Variants in TLE4 observed in about 807,000 individuals in gnomAD.
The protein encoded by TLE4 is TLE family member 4, transcriptional corepressor.
In TLE4, 8 loss-of-function variants were observed where a neutral mutation model predicts 92.8. The observed-to-expected ratio is 0.09, with a 90% CI of 0.05 to 0.16. TLE4 has a LOEUF of 0.16. Ranked by LOEUF, TLE4 falls within the 10% of genes least tolerant of loss-of-function variation. The probability of loss-of-function intolerance (pLI) is 1.00; values close to 1 mark genes in which losing one functional copy is unlikely to be tolerated. For missense variants in TLE4, 675 were observed against 997.6 expected (o/e 0.68, Z 4.36); for synonymous variants, 371 against 374.1 (o/e 0.99, Z 0.10).
intron 6 of TLE4, among the ~76,000 whole-genome samples, chr9:79,640,725 C>G (rs1175645521): frequency 6.6e-6 from 1 of 152,082 alleles, no homozygotes; most frequent in African/African-American, 2.4e-5. Flanking sequence ...AGTTATCATT[C>G]ATTATTTTCT....
At chr9:79,598,091 A>T (rs1564261435) in intron 4 of TLE4, among the ~76,000 whole-genome samples, 1 of 150,688 alleles carries the variant, frequency 6.6e-6, no homozygotes, top group Non-Finnish European at 1.5e-5. Context: ...AAAAAAAAAA[A>T]AAAAAAACTT....
At chr9:79,652,905 A>G in intron 7 of TLE4, 111 bp downstream of exon 7, 4 of 1,151,062 alleles carry the variant, frequency 3.5e-6, no homozygotes, top group Non-Finnish European at 5.2e-6. Context: ...GTGACTAAAC[A>G]AAGGATTTCC....
Position 79,641,948 on chromosome 9 carries a change from C to CT in TLE4, c.391-10632dup, listed in dbSNP as rs79662369. 1.1e-3 allele frequency among the ~76,000 whole-genome samples: 159 copies of CT among 142,138 alleles called. 1 individual carries two copies. The highest frequency in any genetic ancestry group is 7.0e-3 in the East Asian group (34 of 4,880). 93.2% of individuals were successfully genotyped at this position (142,138 alleles called of 152,430 possible). A position where few individuals can be genotyped will look rare whatever the true frequency, so the allele number is the denominator to read the frequency against. ...AAGTCTATTTAGTGGGCATAGTGGA[C>CT]TTTTTTTTTTTTTAATTAAAAAAGG... On this transcript the variant is annotated intron_variant, in intron 6 of 19. Coordinates refer to ENST00000376552, the MANE Select transcript of TLE4 (RefSeq NM_007005.6).
intron 8 of TLE4, among the ~76,000 whole-genome samples, chr9:79,695,014 G>A (rs575199733): frequency 1.5e-4 from 23 of 152,302 alleles, no homozygotes; most frequent in African/African-American, 5.5e-4. Context: ...AGACAGCTGA[G>A]GAGTGTGTGA....
chr9:79,697,820 T>C (rs1308610112), intron 8 of TLE4, among the ~76,000 whole-genome samples: 1 of 152,080 alleles, frequency 6.6e-6, no homozygotes, highest in Non-Finnish European at 1.5e-5. Flanking sequence ...CTACTACACA[T>C]GAAGAAAAAA....
chr9:79,721,672 G>A (rs2136261956), intron 16 of TLE4, 69 bp from the exon 17 acceptor site: 2 of 1,598,914 alleles, frequency 1.3e-6, no homozygotes, highest in South Asian at 2.3e-5. Flanking sequence ...GAATCATCAA[G>A]GAATTCTAAA....
At chr9:79,636,993 T>C (rs1446702882) in intron 6 of TLE4, among the ~76,000 whole-genome samples, 1 of 152,170 alleles carries the variant, frequency 6.6e-6, no homozygotes, top group Non-Finnish European at 1.5e-5. Context: ...AGGAAGCGCA[T>C]GGACTGGTAG....
At chr9:79,695,259 A>G (rs986014983) in intron 8 of TLE4, among the ~76,000 whole-genome samples, 31 of 152,060 alleles carry the variant, frequency 2.0e-4, no homozygotes, top group African/African-American at 6.0e-4. Flanking sequence ...TTTTCAACAT[A>G]GTTCTGAAAA....
intron 6 of TLE4, among the ~76,000 whole-genome samples, chr9:79,637,658 T>C (rs149524619): frequency 1.3e-5 from 2 of 152,208 alleles, no homozygotes. Context: ...TGGATACTCT[T>C]GACTCATACG....
At chr9:79,651,031 A>ATTTCTC (rs2058870446) in intron 6 of TLE4, among the ~76,000 whole-genome samples, 1 of 138,744 alleles carries the variant, frequency 7.2e-6, no homozygotes, top group Non-Finnish European at 1.5e-5. Context: ...GGAATGATCG[A>ATTTCTC]TCTCTCTCTC....
In TLE4 at chr9:79,631,616, A is replaced by ATGTGTGTGTGTGTGTGTG. The variant is rs57129541; in HGVS notation, c.390+4198_390+4215dup. Among the ~76,000 whole-genome samples the ATGTGTGTGTGTGTGTGTG allele has an allele frequency of 1.4e-3, 164 of 118,226 alleles. 1 individual carries two copies. Among genetic ancestry groups the ATGTGTGTGTGTGTGTGTG allele is most frequent in the East Asian group, 2.7e-3 (10 of 3,642 alleles). The allele number at this position is 118,226 out of a possible 152,430, so 77.6% of individuals were successfully genotyped here. On this transcript the variant is annotated intron_variant, in intron 6 of 19. Transcript: ENST00000376552. The stretch of plus-strand genomic sequence containing the variant: ...TCCTTGTCATATGATTGAACCTTAA[A>ATGTGTGTGTGTGTGTGTG]TGTGTGTGTGTGTGTGTGTGTGTGT...
chr9:79,671,942 C>T (rs1192066893), intron 8 of TLE4, among the ~76,000 whole-genome samples: 2 of 138,346 alleles, frequency 1.4e-5, no homozygotes, highest in East Asian at 2.1e-4. Context: ...AAAAAAAAGT[C>T]AGTCTGGAAG....
chr9:79,717,082 T>C (rs965663309), intron 14 of TLE4, among the ~76,000 whole-genome samples: 1 of 152,208 alleles, frequency 6.6e-6, no homozygotes, highest in African/African-American at 2.4e-5. Context: ...TCTGGTCTGC[T>C]TTTCACTGCA....
chr9:79,688,630 T>A lies in TLE4; in HGVS notation c.610-16153T>A, dbSNP rs558646898. ...GATGGTGACACTAAACACTGAGGCT[T>A]TGATGTTTATACGATATTCTTCCCC... On this transcript the variant is annotated intron_variant, in intron 8 of 19. Coordinates refer to ENST00000376552, the MANE Select transcript of TLE4 (RefSeq NM_007005.6). 1.6e-3 allele frequency among the ~76,000 whole-genome samples: 242 copies of A among 151,786 alleles called. 1 individual carries two copies. The highest frequency in any genetic ancestry group is 5.5e-3 in the African/African-American group (229 of 41,456).
chr9:79,573,104 C>A (rs1264602750), intron 1 of TLE4, among the ~76,000 whole-genome samples: 1 of 152,076 alleles, frequency 6.6e-6, no homozygotes, highest in Non-Finnish European at 1.5e-5. Flanking sequence ...TTTGCGGTCC[C>A]CGCGCCGCGA....
At chr9:79,645,038 T>C (rs2057868097) in intron 6 of TLE4, among the ~76,000 whole-genome samples, 1 of 152,186 alleles carries the variant, frequency 6.6e-6, no homozygotes, top group African/African-American at 2.4e-5. Flanking sequence ...AAAAACTCCA[T>C]TCCTGAAAAT....
At chr9:79,620,309 A>G (rs151179794) in intron 5 of TLE4, among the ~76,000 whole-genome samples, 74 of 152,366 alleles carry the variant, frequency 4.9e-4, no homozygotes, top group Admixed American at 1.6e-3. Context: ...CTACATTTCA[A>G]GTGCTCAGTA....
intron 5 of TLE4, among the ~76,000 whole-genome samples, chr9:79,613,743 T>G (rs17082575): frequency 0.016 from 2,420 of 152,236 alleles, 61 homozygotes; most frequent in African/African-American, 0.055. Flanking sequence ...GCCAATGTTA[T>G]GTGGCCAATA....
intron 8 of TLE4, among the ~76,000 whole-genome samples, chr9:79,686,633 C>G (rs374979787): frequency 6.6e-6 from 1 of 152,102 alleles, no homozygotes; most frequent in Admixed American, 6.6e-5. Context: ...TGCCACAAAC[C>G]GAAGAATGCC....
Sources: allele counts gnomAD v4.1 joint callset (sites outside exome capture counted in the v4.1 genomes callset), GRCh38; gene constraint gnomAD v4.1.1; transcripts MANE v1.5; gene names NCBI Gene and HGNC (gene_info 2026-07-23, HGNC 2026-07-21).